LRFN5: variants seen among roughly 807,000 people sequenced by gnomAD.
The protein encoded by LRFN5 is leucine-rich repeat and fibronectin type-III domain-containing protein 5.
A neutral mutation model predicts 45.6 loss-of-function variants in LRFN5; 24 were observed. The ratio of observed to expected loss-of-function variants is 0.53; its 90% CI spans 0.38 to 0.74. LRFN5 has a LOEUF of 0.74. Ranked by LOEUF, LRFN5 falls within the 30% of genes least tolerant of loss-of-function variation. The pLI, the probability that LRFN5 is intolerant of heterozygous loss-of-function variation, is 0.00. For synonymous variants in LRFN5, 340 were observed against 313.8 expected, an observed-to-expected ratio of 1.08 and a Z score of -0.88; for missense variants, 776 against 861.5, an observed-to-expected ratio of 0.90 and a Z score of 1.24.
chr14:41,677,087 C>T (rs1881665422), intron 1 of LRFN5, among the ~76,000 whole-genome samples: 1 of 151,844 alleles, frequency 6.6e-6, no homozygotes, highest in South Asian at 2.1e-4. Context: ...AGGAACACAT[C>T]CTAGGTAGCA....
intron 1 of LRFN5, among the ~76,000 whole-genome samples, chr14:41,648,667 G>A (rs946898740): frequency 6.6e-6 from 1 of 151,948 alleles, no homozygotes; most frequent in Non-Finnish European, 1.5e-5. Context: ...TGCATGGGAT[G>A]ACTCTATATT....
intron 2 of LRFN5, among the ~76,000 whole-genome samples, chr14:41,788,769 T>C (rs1886817402): frequency 6.6e-6 from 1 of 152,070 alleles, no homozygotes; most frequent in African/African-American, 2.4e-5. Flanking sequence ...ACTTTTCCAA[T>C]AATTAACTTT....
intron 2 of LRFN5, among the ~76,000 whole-genome samples, chr14:41,819,384 T>C (rs984611353): frequency 2.6e-5 from 4 of 152,128 alleles, no homozygotes; most frequent in African/African-American, 7.2e-5. Flanking sequence ...TTAACATCTA[T>C]TGATTTTGAT....
At chr14:41,784,028 T>G (rs1055395000) in intron 2 of LRFN5, among the ~76,000 whole-genome samples, 1 of 152,172 alleles carries the variant, frequency 6.6e-6, no homozygotes, top group African/African-American at 2.4e-5. Flanking sequence ...AACATTGGCC[T>G]ATATGTAAGG....
intron 1 of LRFN5, among the ~76,000 whole-genome samples, chr14:41,727,313 C>G (rs1883978808): frequency 6.6e-6 from 1 of 152,054 alleles, no homozygotes; most frequent in South Asian, 2.1e-4. Context: ...GGAGGTAAAA[C>G]AGCCAGTCAG....
chr14:41,655,518 G>A lies in LRFN5; in HGVS notation c.-197+46956G>A, dbSNP rs1170950191. Among the ~76,000 whole-genome samples, 6 of 152,128 alleles carry A rather than the reference G, an allele frequency of 3.9e-5. No homozygotes were observed. In the East Asian group the frequency reaches 1.2e-3, roughly 29 times the overall value. On this transcript the variant is annotated intron_variant, in intron 1 of 5. Coordinates refer to ENST00000298119, the MANE Select transcript of LRFN5 (RefSeq NM_152447.5). ...ATGAAGAGATCATGGAGGGCCTTTT[G>A]GAACTTGGTTAAGGCTTGTACTCTG...
At chr14:41,658,125 A>AT (rs1353665558) in intron 1 of LRFN5, among the ~76,000 whole-genome samples, 1 of 151,996 alleles carries the variant, frequency 6.6e-6, no homozygotes, top group Admixed American at 6.6e-5. Flanking sequence ...TGATAGGGTA[A>AT]GTCATGTTAC....
intron 1 of LRFN5, among the ~76,000 whole-genome samples, chr14:41,743,153 T>C (rs914171734): frequency 6.6e-6 from 1 of 152,182 alleles, no homozygotes; most frequent in Non-Finnish European, 1.5e-5. Context: ...TGCATATCCT[T>C]GCTTGAGGAA....
chr14:41,644,461 G>A (rs912331680), intron 1 of LRFN5, among the ~76,000 whole-genome samples: 5 of 152,278 alleles, frequency 3.3e-5, no homozygotes, highest in Admixed American at 6.5e-5. Context: ...TTTTGATAGT[G>A]TAATATCTGA....
At chr14:41,752,821 T>C (rs968807850) in intron 1 of LRFN5, among the ~76,000 whole-genome samples, 1 of 152,228 alleles carries the variant, frequency 6.6e-6, no homozygotes, top group African/African-American at 2.4e-5. Flanking sequence ...TTTTGTGTTT[T>C]AGACATGAAG....
chr14:41,699,026 T>A (rs1414582327), intron 1 of LRFN5, among the ~76,000 whole-genome samples: 1 of 151,774 alleles, frequency 6.6e-6, no homozygotes, highest in Non-Finnish European at 1.5e-5. Context: ...TTTATGAGAG[T>A]GTAAGTTGAG....
chr14:41,805,460 G>A (rs761295827), intron 2 of LRFN5, among the ~76,000 whole-genome samples: 29 of 150,162 alleles, frequency 1.9e-4, no homozygotes, highest in Non-Finnish European at 3.4e-4. Flanking sequence ...AAATGTGCAC[G>A]TTAGTTACAT....
At chr14:41,827,867 T>A (rs2139026853) in intron 2 of LRFN5, among the ~76,000 whole-genome samples, 1 of 152,174 alleles carries the variant, frequency 6.6e-6, no homozygotes, top group Middle Eastern at 3.4e-3. Context: ...GTTCTCCTAC[T>A]TTATTTTAGC....
At chr14:41,742,402 G>T (rs1884739258) in intron 1 of LRFN5, among the ~76,000 whole-genome samples, 1 of 149,328 alleles carries the variant, frequency 6.7e-6, no homozygotes, top group Admixed American at 7.4e-5. Flanking sequence ...CAACATGGCT[G>T]GAACTGGAGG....
chr14:41,723,756 A>G (rs1046990312), intron 1 of LRFN5, among the ~76,000 whole-genome samples: 2 of 152,078 alleles, frequency 1.3e-5, no homozygotes, highest in Admixed American at 6.6e-5. Flanking sequence ...CTACTGAGCC[A>G]CTTTTCACAG....
chr14:41,670,256 GATATATATATATATATATATATAT>G (rs1165968461), intron 1 of LRFN5, among the ~76,000 whole-genome samples: 1,974 of 45,752 alleles, frequency 0.043, 111 homozygotes, highest in African/African-American at 0.15. Flanking sequence ...CATACACACA[GATATATATATATATATATATATAT>G]ATATATATAT....
intron 1 of LRFN5, among the ~76,000 whole-genome samples, chr14:41,752,921 C>G (rs912121940): frequency 1.3e-5 from 2 of 152,156 alleles, no homozygotes; most frequent in Admixed American, 1.3e-4. Context: ...AGTCTTTAAT[C>G]CATGTTGAAT....
At chr14:41,894,574 A>C (rs1890879847) in intron 4 of LRFN5, 2 of 973,050 alleles carry the variant, frequency 2.1e-6, no homozygotes, top group South Asian at 9.5e-5. Context: ...AGAAGGTCAA[A>C]ATTTTTTTGT....
chr14:41,829,533 A>G (rs1888407392), intron 2 of LRFN5, among the ~76,000 whole-genome samples: 1 of 151,952 alleles, frequency 6.6e-6, no homozygotes, highest in South Asian at 2.1e-4. Flanking sequence ...ATTATAAACC[A>G]TATTATCCAG....
Sources: gnomAD v4.1 joint callset for allele counts (sites outside exome capture counted in the v4.1 genomes callset) on GRCh38, gnomAD v4.1.1 for gene constraint, MANE v1.5 for transcripts, NCBI Gene and HGNC (gene_info 2026-07-23, HGNC 2026-07-21) for gene names.